TTC39C: variants seen among roughly 807,000 people sequenced by gnomAD.
The protein encoded by TTC39C is tetratricopeptide repeat domain 39C, also known as tetratricopeptide repeat protein 39C.
TTC39C carries 33 observed loss-of-function variants against 76.3 expected under a neutral mutation model. That is an observed-to-expected ratio of 0.43 (90% CI 0.33 to 0.58). TTC39C has a LOEUF of 0.58. Ranked by LOEUF, TTC39C falls within the 20% of genes least tolerant of loss-of-function variation. The pLI is 0.04. For missense variants in TTC39C, 595 were observed against 701.4 expected, an observed-to-expected ratio of 0.85 and a Z score of 1.71; for synonymous variants, 254 against 260.6, an observed-to-expected ratio of 0.97 and a Z score of 0.24.
At chr18:24,019,643 C>CA (rs1443873578) in intron 1 of TTC39C, among the ~76,000 whole-genome samples, 2 of 152,208 alleles carry the variant, frequency 1.3e-5, no homozygotes, top group Non-Finnish European at 2.9e-5. Context: ...TGTTACCATA[C>CA]AGATGGTTCC....
intron 1 of TTC39C, among the ~76,000 whole-genome samples, chr18:24,028,287 A>C (rs1421254955): frequency 1.3e-5 from 2 of 152,216 alleles, no homozygotes; most frequent in Non-Finnish European, 2.9e-5. Flanking sequence ...TGCCAATGTG[A>C]AAATGACAAG....
chr18:24,045,279 A>AAAAAAAG (rs1239023030), intron 1 of TTC39C, among the ~76,000 whole-genome samples: 2 of 151,196 alleles, frequency 1.3e-5, no homozygotes, highest in African/African-American at 2.4e-5. Context: ...CAAAAAAAAA[A>AAAAAAAG]AAAAGCATGT....
intron 8 of TTC39C, among the ~76,000 whole-genome samples, chr18:24,119,240 GGT>G (rs1195905981): frequency 1.3e-5 from 2 of 152,190 alleles, no homozygotes; most frequent in African/African-American, 4.8e-5. Flanking sequence ...GAGTTGTAGA[GGT>G]GTGGAATTGA....
At chr18:24,066,907 T>C (rs891172529) in intron 3 of TTC39C, among the ~76,000 whole-genome samples, 1 of 152,200 alleles carries the variant, frequency 6.6e-6, no homozygotes, top group African/African-American at 2.4e-5. Context: ...TCCTGCACAG[T>C]AGATGTTATT....
intron 1 of TTC39C, among the ~76,000 whole-genome samples, chr18:23,998,584 C>T (rs914933267): frequency 1.3e-5 from 2 of 151,708 alleles, no homozygotes; most frequent in South Asian, 2.1e-4. Flanking sequence ...CACTCCAGCC[C>T]GGGTGACAGA....
intron 6 of TTC39C, among the ~76,000 whole-genome samples, chr18:24,105,708 C>G (rs1214138524): frequency 6.6e-6 from 1 of 152,228 alleles, no homozygotes; most frequent in African/African-American, 2.4e-5. Context: ...TGATGGTGGA[C>G]AGAGGTGAAT....
At chr18:24,041,455 G>A (rs1446039446) in intron 1 of TTC39C, among the ~76,000 whole-genome samples, 3 of 152,194 alleles carry the variant, frequency 2.0e-5, no homozygotes, top group East Asian at 1.9e-4. Context: ...CGTGTTAACC[G>A]TGTAAGAGAA....
At chr18:24,056,946 G>A (rs976885522) in intron 1 of TTC39C, among the ~76,000 whole-genome samples, 1 of 152,084 alleles carries the variant, frequency 6.6e-6, no homozygotes, top group African/African-American at 2.4e-5. Flanking sequence ...GCCTCCGGAA[G>A]TGCTAGGATT....
chr18:24,112,844 G>A (rs2084833036), intron 6 of TTC39C, among the ~76,000 whole-genome samples: 1 of 152,186 alleles, frequency 6.6e-6, no homozygotes, highest in South Asian at 2.1e-4. Context: ...GTGCATATCT[G>A]ATTCAAGAAA....
intron 1 of TTC39C, among the ~76,000 whole-genome samples, chr18:24,018,479 G>A (rs1043580368): frequency 6.6e-6 from 1 of 152,168 alleles, no homozygotes; most frequent in African/African-American, 2.4e-5. Flanking sequence ...CAGGCTGTGG[G>A]TTAGGTGCCA....
chr18:24,063,798 G>A (rs2084131382), intron 1 of TTC39C, among the ~76,000 whole-genome samples: 1 of 152,278 alleles, frequency 6.6e-6, no homozygotes, highest in Admixed American at 6.5e-5. Context: ...ACAGACGTGA[G>A]CCACCGCGCC....
chr18:24,113,932 AGAG>A (rs1236023977), intron 6 of TTC39C: 2 of 481,472 alleles, frequency 4.2e-6, no homozygotes, highest in Non-Finnish European at 7.6e-6. Context: ...AAGTGTCGGG[AGAG>A]GAGATTTGAT....
At chr18:24,116,959 G>A (rs1029548663) in intron 7 of TTC39C, among the ~76,000 whole-genome samples, 5 of 151,158 alleles carry the variant, frequency 3.3e-5, no homozygotes, top group African/African-American at 1.2e-4. Flanking sequence ...CCAAGTAGCT[G>A]GAATTACAGG....
rs141137133 is a variant in TTC39C at position 24,002,758 on chromosome 18, G to A, written c.-17+9720G>A. ...AGAATCGTGGTGTCACTGAGTGAAC[G>A]TATGTATCCAGCCCTGCAGATGCCT... On this transcript the variant is annotated intron_variant, in intron 1 of 13. Coordinates refer to the TTC39C transcript ENST00000304621. Among the ~76,000 whole-genome samples, 46 of 152,244 alleles carry A rather than the reference G, an allele frequency of 3.0e-4. 1 individual carries two copies. In the East Asian group the frequency reaches 3.7e-3, roughly 12 times the overall value.
chr18:24,121,451 T>C (rs966205191), intron 8 of TTC39C, among the ~76,000 whole-genome samples: 3 of 152,108 alleles, frequency 2.0e-5, no homozygotes, highest in Admixed American at 1.3e-4. Flanking sequence ...TGGTGGTGCA[T>C]GCCTGTAATC....
Position 24,132,551 on chromosome 18 carries a change from CTG to C in TTC39C, c.1730_1731del (p.Leu577GlnfsTer26). The stretch of plus-strand genomic sequence containing the variant: ...CCGCATCCATGCTGCTCTGGCCTCT[CTG>C]AGGGAATTGGTTCCTCAGTGACAGA... ...HVRIHAALAS[L>X]RELVPQ On this transcript the variant is annotated frameshift_variant, in exon 14 of 14. Coordinates refer to ENST00000317571, the MANE Select transcript of TTC39C (RefSeq NM_001135993.2). LOFTEE classifies it high-confidence loss of function. The C allele has an allele frequency of 1.9e-6, 3 of 1,613,998 alleles. No homozygotes were observed. In the South Asian group the frequency reaches 3.3e-5, roughly 18 times the overall value.
At chr18:24,095,473 C>T (rs2084577193) in intron 6 of TTC39C, among the ~76,000 whole-genome samples, 2 of 152,146 alleles carry the variant, frequency 1.3e-5, no homozygotes, top group Non-Finnish European at 2.9e-5. Context: ...CTGAGGCCAG[C>T]AGATCACCTG....
At chr18:24,107,895 G>A (rs370449420) in intron 6 of TTC39C, among the ~76,000 whole-genome samples, 11 of 151,304 alleles carry the variant, frequency 7.3e-5, no homozygotes, top group Admixed American at 2.7e-4. Context: ...AGTAGGGGGG[G>A]GGGTACAGGC....
In TTC39C at chr18:24,054,735, T is replaced by C. The variant is rs181728614; in HGVS notation, c.168-9405T>C. The stretch of plus-strand genomic sequence containing the variant: ...AAGTTTTTTCAATTAATTTGTTAAA[T>C]TTGTGGTAAAATATACATAACAAAA... On this transcript the variant is annotated intron_variant, in intron 1 of 13. Transcript: ENST00000317571. 9.3e-4 allele frequency among the ~76,000 whole-genome samples: 141 copies of C among 152,370 alleles called. No individual in the cohort carries two copies. The Middle Eastern group carries it at 0.01, about 11-fold the overall frequency.
Sources: allele counts gnomAD v4.1 joint callset (sites outside exome capture counted in the v4.1 genomes callset), GRCh38; gene constraint gnomAD v4.1.1; transcripts MANE v1.5; gene names NCBI Gene and HGNC (gene_info 2026-07-23, HGNC 2026-07-21).